SZT2: variants seen among roughly 807,000 people sequenced by gnomAD.
SZT2 encodes the protein SZT2 subunit of KICSTOR complex.
Under a neutral mutation model 404.2 loss-of-function variants are expected in SZT2, and 216 were observed. The ratio of observed to expected loss-of-function variants is 0.53; its 90% CI spans 0.48 to 0.60. SZT2 has a LOEUF of 0.60. SZT2 is among the 20% of genes least tolerant of loss of function. SZT2 has a pLI of 0.00. For missense variants in SZT2, 3,857 were observed against 4,459.2 expected (o/e 0.86, Z 3.85); for synonymous variants, 1,693 against 1,749.9 (o/e 0.97, Z 0.81).
At chr1:43,435,823 A>G (rs1248307071) in intron 42 of SZT2, 1 of 153,100 alleles carries the variant, frequency 6.5e-6, no homozygotes, top group Non-Finnish European at 1.5e-5. Flanking sequence ...CTGTCTTCCT[A>G]AGAGTCTGCT....
At chr1:43,410,915 G>C (rs1020000475) in intron 4 of SZT2, among the ~76,000 whole-genome samples, 10 of 152,000 alleles carry the variant, frequency 6.6e-5, no homozygotes, top group African/African-American at 2.4e-4. Flanking sequence ...GTTGGGGGGG[G>C]ATCTTGATAG....
At position 43,441,315 on chromosome 1, in the gene SZT2, G is replaced by A. The variant is rs979339741; in HGVS notation, c.7446G>A (p.Glu2482=). Residue 2482 remains glutamate (E), a synonymous_variant, in exon 53 of 72, where the codon GAG becomes GAA. Coordinates refer to ENST00000634258, the MANE Select transcript of SZT2 (RefSeq NM_001365999.1). This position sits in a 1 kb window ranked among gnomAD's most constrained non-coding sequence, Gnocchi z 4.8. ...DTRGRRRHKT[E]SVRTPGGAER... ...GGGGCCGGAGGCGTCACAAAACCGA[G>A]AGTGTTCGGACTCCTGGTGGAGCTG... 3 of 1,614,246 alleles carry A rather than the reference G, an allele frequency of 1.9e-6. No homozygotes were observed. The highest frequency in any genetic ancestry group is 2.5e-6 in the Non-Finnish European group (3 of 1,180,044).
In SZT2 at chr1:43,430,365, G is replaced by A; in HGVS notation, c.4456G>A (p.Glu1486Lys). ...DRKISDLEFS[E>K]AELMGEEGDT... The stretch of plus-strand genomic sequence containing the variant: ...AAAAATCAGTGACCTGGAGTTTTCA[G>A]AGGCTGAGCTTATGGGAGAAGAAGG... The change falls in exon 31 of 72, where the codon GAG becomes AAG. Residue 1486 changes from glutamate to lysine, a missense_variant. Glu to Lys is a moderately conservative substitution (Grantham distance 56). Transcript: ENST00000634258. 6.2e-7 allele frequency: 1 copy of A among 1,609,360 alleles called. No homozygotes were observed. The highest frequency in any genetic ancestry group is 1.1e-5 in the South Asian group (1 of 90,480).
In SZT2 at chr1:43,443,337, G is replaced by C; in HGVS notation, c.8500-15G>C. 6.2e-7 allele frequency: 1 copy of C among 1,614,140 alleles called. No individual in the cohort carries two copies. The highest frequency in any genetic ancestry group is 1.1e-5 in the South Asian group (1 of 91,086). ...GCCCCGTCACTGCTCCATGCTCACT[G>C]CCCTGTTTCCCCAGGCTGGAGAGCT... is the stretch of plus-strand genomic sequence containing the variant. On this transcript the variant is annotated splice_polypyrimidine_tract_variant and intron_variant, in intron 60 of 71. Coordinates refer to ENST00000634258, the MANE Select transcript of SZT2 (RefSeq NM_001365999.1).
chr1:43,431,102 A>C lies in SZT2; in HGVS notation c.4916+12A>C. ...CCTCAGCACCACCGGTGTGGCAGCA[A>C]GTTTGGTGGGGGGTTTGGGACCTTT... On this transcript the variant is annotated intron_variant, in intron 33 of 71. Transcript: ENST00000634258. The C allele has an allele frequency of 6.2e-7, 1 of 1,611,378 alleles. No homozygotes were observed. The highest frequency in any genetic ancestry group is 8.5e-7 in the Non-Finnish European group (1 of 1,179,018).
rs1405227856 is a variant in SZT2, at chr1:43,423,086, A to T, written c.2038-13A>T. 1.3e-6 allele frequency: 2 copies of T among 1,575,368 alleles called. No individual in the cohort carries two copies. The highest frequency in any genetic ancestry group is 1.7e-6 in the Non-Finnish European group (2 of 1,168,730). On this transcript the variant is annotated splice_polypyrimidine_tract_variant and intron_variant, in intron 14 of 71. Coordinates refer to ENST00000634258, the MANE Select transcript of SZT2 (RefSeq NM_001365999.1). ...GATGGGAGTAAGAGGATGTGACCAC[A>T]TTTTCCCCTCAGATTGTGTCAGGCT... is the stretch of plus-strand genomic sequence containing the variant.
intron 4 of SZT2, chr1:43,409,835 C>T (rs559731931): frequency 2.6e-3 from 418 of 158,314 alleles, no homozygotes; most frequent in South Asian, 5.3e-3. Context: ...CCCACACTGC[C>T]TAAAGCAGTC....
At position 43,437,573 on chromosome 1, in the gene SZT2, A is replaced by G. The variant is rs1654593383; in HGVS notation, c.6291-22A>G. On this transcript the variant is annotated intron_variant, in intron 44 of 71. Coordinates refer to ENST00000634258, the MANE Select transcript of SZT2 (RefSeq NM_001365999.1). The surrounding 1 kb of genome is among the most constrained non-coding windows in gnomAD (Gnocchi z 5.3). The stretch of plus-strand genomic sequence containing the variant: ...GATGGCCTGGGAGGAGGCATGTCCA[A>G]AGACATGCTGCTCTTTCCCAGGCTC... 1.2e-6 allele frequency: 2 copies of G among 1,613,794 alleles called. No homozygotes were observed. Among genetic ancestry groups the G allele is most frequent in the African/African-American group, 1.3e-5 (1 of 74,908 alleles).
At position 43,451,334 on chromosome 1, in the gene SZT2, GCA is replaced by G. The variant is rs776262902; in HGVS notation, c.*856_*857del. 260 of 1,612,850 alleles carry G rather than the reference GCA, an allele frequency of 1.6e-4. 2 individuals carry two copies. Among genetic ancestry groups the G allele is most frequent in the Non-Finnish European group, 8.5e-5 (100 of 1,179,952 alleles). ...CTCCTGCAGGGAGAGGGAGGCCTCG[GCA>G]CCTCAGCCCACAAGGAGAAAACAGC... On this transcript the variant is annotated 3_prime_UTR_variant, in exon 72 of 72. Transcript: ENST00000634258.
chr1:43,440,562 C>T lies in SZT2; in HGVS notation c.7320C>T (p.Gly2440=), dbSNP rs1175816153. The change falls in exon 52 of 72, where the codon GGC becomes GGT. Residue 2440 remains glycine, a synonymous_variant. Coordinates refer to ENST00000634258, the MANE Select transcript of SZT2 (RefSeq NM_001365999.1). The part of the protein sequence containing the change: ...GEPVTPPSKA[G]RRSFWDMLSK... ...CTGTGACTCCACCCAGCAAAGCGGG[C>T]CGGCGTAGCTTCTGGGATATGCTGG... 1 of 1,603,842 alleles carries T rather than the reference C, an allele frequency of 6.2e-7. No homozygotes were observed. Among genetic ancestry groups the T allele is most frequent in the Admixed American group, 1.7e-5 (1 of 58,240 alleles).
intron 1 of SZT2, among the ~76,000 whole-genome samples, chr1:43,390,698 G>T (rs1345676684): frequency 6.6e-6 from 1 of 152,206 alleles, no homozygotes; most frequent in African/African-American, 2.4e-5. Context: ...TTCTCACAGA[G>T]GAGAAAACTG....
chr1:43,442,759 G>A lies in SZT2; in HGVS notation c.8152-60G>A. 6.5e-7 allele frequency: 1 copy of A among 1,542,718 alleles called. No individual in the cohort carries two copies. The highest frequency in any genetic ancestry group is 8.7e-7 in the Non-Finnish European group (1 of 1,144,902). On this transcript the variant is annotated intron_variant, in intron 58 of 71. Transcript: ENST00000634258. This position sits in a 1 kb window ranked among gnomAD's most constrained non-coding sequence, Gnocchi z 4.5. ...GAGAGTCTGAGAGAGGAAGCCCTGG[G>A]ATGAGAGAGAGGGTCCGAGGGCAAA... is the stretch of plus-strand genomic sequence containing the variant.
intron 66 of SZT2, 87 bp downstream of exon 66, chr1:43,447,255 G>C: frequency 7.1e-7 from 1 of 1,403,020 alleles, no homozygotes; most frequent in Non-Finnish European, 9.7e-7. Flanking sequence ...CACCTCCCTG[G>C]ACAAGTGGTC....
chr1:43,429,576 A>C, intron 28 of SZT2, 127 bp from the exon 29 acceptor site: 1 of 1,157,164 alleles, frequency 8.6e-7, no homozygotes, highest in African/African-American at 1.5e-5. Context: ...TTTACCACCC[A>C]TGCCATTACG....
chr1:43,453,900 AACGAGC>A lies in SZT2; in HGVS notation c.*3423_*3428del. 4.1e-6 allele frequency: 5 copies of A among 1,216,792 alleles called. No individual in the cohort carries two copies. Among genetic ancestry groups the A allele is most frequent in the African/African-American group, 1.6e-5 (1 of 62,942 alleles). The allele number at this position is 1,216,792 out of a possible 1,614,324, so 75.4% of individuals were successfully genotyped here. On this transcript the variant is annotated 3_prime_UTR_variant, in exon 72 of 72. Coordinates refer to ENST00000634258, the MANE Select transcript of SZT2 (RefSeq NM_001365999.1). ...GCTCTCCTTGCTGGCCCTGCGAACG[AACGAGC>A]ACTGTTCGTGGTTAGAAAAGCGAAG...
At chr1:43,408,053 T>C (rs1464548966) in intron 4 of SZT2, among the ~76,000 whole-genome samples, 1 of 152,024 alleles carries the variant, frequency 6.6e-6, no homozygotes, top group Admixed American at 6.6e-5. Context: ...AGGATGGTCT[T>C]GATCTCCTGA....
At position 43,438,821 on chromosome 1, in the gene SZT2, A is replaced by G. The variant is rs768673635; in HGVS notation, c.6627+4A>G. On this transcript the variant is annotated splice_donor_region_variant and intron_variant, in intron 47 of 71. Transcript: ENST00000634258. The stretch of plus-strand genomic sequence containing the variant: ...GCTGACACCAGCTGATGTGGAGGTC[A>G]GCTCCCCTCTAGGCACCAGCATCCT... 2 of 1,612,814 alleles carry G rather than the reference A, an allele frequency of 1.2e-6. No homozygotes were observed. The highest frequency in any genetic ancestry group is 1.3e-5 in the African/African-American group (1 of 75,024).
In SZT2 at chr1:43,453,662, C is replaced by T. The variant is rs979081780; in HGVS notation, c.*3182C>T. 3.2e-5 allele frequency: 47 copies of T among 1,484,614 alleles called. No individual in the cohort carries two copies. In the East Asian group the frequency reaches 1.3e-3, roughly 42 times the overall value. The allele number at this position is 1,484,614 out of a possible 1,614,324, so 92.0% of individuals were successfully genotyped here. A position where few individuals can be genotyped will look rare whatever the true frequency, so the allele number is the denominator to read the frequency against. ...GCGCGGCGCGCGCCAGCGCCTCAGG[C>T]GTCTCCGCGTACGGCCAGGCCACCT... On this transcript the variant is annotated 3_prime_UTR_variant, in exon 72 of 72. Transcript: ENST00000634258.
chr1:43,439,888 T>A lies in SZT2; in HGVS notation c.7050T>A (p.Asn2350Lys). The stretch of plus-strand genomic sequence containing the variant: ...TCCCTGTTCTCCTTCCAGCTCAGAA[T>A]GGGGCCCCACGGCTTCGATTGGATG... The part of the protein sequence containing the change: ...PVVVDSSSAQ[N>K]GAPRLRLDVW... Residue 2350 changes from asparagine (N) to lysine (K), a missense_variant, in exon 51 of 72, where the codon AAT becomes AAA. Around this residue, in one of 7 missense-constraint regions of SZT2, gnomAD observed 573 missense variants for 592.4 expected, o/e 0.97. Transcript: ENST00000634258. The surrounding 1 kb of genome is among the most constrained non-coding windows in gnomAD (Gnocchi z 4.2). 6.3e-7 allele frequency: 1 copy of A among 1,594,718 alleles called. No homozygotes were observed. Among genetic ancestry groups the A allele is most frequent in the Non-Finnish European group, 8.5e-7 (1 of 1,170,148 alleles).
Sources: gnomAD v4.1 joint callset for allele counts (sites outside exome capture counted in the v4.1 genomes callset) on GRCh38, gnomAD v4.1.1 for gene constraint, gnomAD v4.1.1 regional missense constraint, Gnocchi (gnomAD v3.1) non-coding constraint, MANE v1.5 for transcripts, NCBI Gene and HGNC (gene_info 2026-07-23, HGNC 2026-07-21) for gene names.